The following CLSTN2 variants were observed in gnomAD, a reference collection of about 807,000 sequenced individuals.
CLSTN2 encodes the protein calsyntenin-2.
Under a neutral mutation model 101.2 loss-of-function variants are expected in CLSTN2, and 48 were observed. That is an observed-to-expected ratio of 0.47 (90% CI 0.38 to 0.60). The LOEUF is 0.60. CLSTN2 is among the 20% of genes least tolerant of loss of function. The pLI is 0.00. For missense variants in CLSTN2, 1,160 were observed against 1,238.2 expected (o/e 0.94, Z 0.95); for synonymous variants, 481 against 463.6 (o/e 1.04, Z -0.48).
Position 140,419,751 on chromosome 3 carries a change from A to G in CLSTN2, c.638-1374A>G, listed in dbSNP as rs1328992022. On this transcript the variant is annotated intron_variant, in intron 4 of 16. Transcript: ENST00000458420. Reference sequence around the variant, plus strand: ...TATACATGTATATACGTATATATACACATATACGTGTATACACGTGTATAC... The same window carrying G: ...TATACATGTATATACGTATATATACGCATATACGTGTATACACGTGTATAC... 3.0e-5 allele frequency among the ~76,000 whole-genome samples: 2 copies of G among 66,350 alleles called. 1 individual carries two copies. Among genetic ancestry groups the G allele is most frequent in the East Asian group, 1.2e-3 (2 of 1,624 alleles). 43.5% of individuals were successfully genotyped at this position (66,350 alleles called of 152,430 possible).
At chr3:140,548,771 A>G (rs932459730) in intron 10 of CLSTN2, among the ~76,000 whole-genome samples, 2 of 152,176 alleles carry the variant, frequency 1.3e-5, no homozygotes, top group African/African-American at 4.8e-5. Flanking sequence ...CCACCTATTA[A>G]CCATGTTTAG....
chr3:140,282,959 G>T (rs2086862395), intron 2 of CLSTN2, among the ~76,000 whole-genome samples: 1 of 152,108 alleles, frequency 6.6e-6, no homozygotes, highest in Non-Finnish European at 1.5e-5. Context: ...GGAAAAGTGG[G>T]TCCTCAGGAT....
At chr3:140,155,062 G>T (rs2009933168) in intron 1 of CLSTN2, among the ~76,000 whole-genome samples, 1 of 152,132 alleles carries the variant, frequency 6.6e-6, no homozygotes, top group Non-Finnish European at 1.5e-5. Flanking sequence ...TGGGGACACA[G>T]AGCCAAACCA....
At chr3:140,079,750 CA>C (rs548470137) in intron 1 of CLSTN2, among the ~76,000 whole-genome samples, 71 of 106,270 alleles carry the variant, frequency 6.7e-4, no homozygotes, top group Middle Eastern at 5.3e-3. Context: ...GACTATGTCT[CA>C]AAAAAAAAAA....
At position 140,459,747 on chromosome 3, in the gene CLSTN2, C is replaced by T. The variant is rs770923656; in HGVS notation, c.1200C>T (p.Ile400=). The change falls in exon 7 of 17, where the codon ATC becomes ATT. Residue 400 remains isoleucine (I), a synonymous_variant. Transcript: ENST00000458420. ...GTGTGAGAGCCGAGAAGGAAACCATCCTCTGCAACTCAGACAAAACCGGTG... is the reference window on the plus strand; with the variant it reads ...GTGTGAGAGCCGAGAAGGAAACCATTCTCTGCAACTCAGACAAAACCGGTG... ...SPGVRAEKET[I]LCNSDKTEMN... 1 of 1,614,138 alleles carries T rather than the reference C, an allele frequency of 6.2e-7. No individual in the cohort carries two copies. Among genetic ancestry groups the T allele is most frequent in the Admixed American group, 1.7e-5 (1 of 60,024 alleles).
At chr3:140,468,334 T>C (rs1265462767) in intron 8 of CLSTN2, among the ~76,000 whole-genome samples, 1 of 152,234 alleles carries the variant, frequency 6.6e-6, no homozygotes, top group Non-Finnish European at 1.5e-5. Context: ...ATAGATATCC[T>C]GAGGCATTTT....
At chr3:140,046,770 T>G (rs1421269492) in intron 1 of CLSTN2, among the ~76,000 whole-genome samples, 2 of 152,230 alleles carry the variant, frequency 1.3e-5, no homozygotes, top group African/African-American at 4.8e-5. Context: ...CCTTCACTTA[T>G]GAAGCTTAGT....
At chr3:140,062,076 T>G (rs762414189) in intron 1 of CLSTN2, among the ~76,000 whole-genome samples, 11 of 152,158 alleles carry the variant, frequency 7.2e-5, no homozygotes, top group Non-Finnish European at 1.6e-4. Flanking sequence ...TGTAGAGAAG[T>G]AATTTCAGGT....
Position 139,982,468 on chromosome 3 carries a change from T to G in CLSTN2, c.109+46985T>G, listed in dbSNP as rs941892855. Among the ~76,000 whole-genome samples, 3 of 152,246 alleles carry G rather than the reference T, an allele frequency of 2.0e-5. No individual in the cohort carries two copies. The South Asian group carries it at 6.2e-4, about 32-fold the overall frequency. ...GGGCTTAATTTCTGCTGTATGAGAA[T>G]ATTTAATAGCTGCAAATGCTAGAAA... On this transcript the variant is annotated intron_variant, in intron 1 of 16. Coordinates refer to ENST00000458420, the MANE Select transcript of CLSTN2 (RefSeq NM_022131.3).
intron 16 of CLSTN2, among the ~76,000 whole-genome samples, chr3:140,564,560 CA>C (rs1935993854): frequency 6.6e-6 from 1 of 152,168 alleles, no homozygotes; most frequent in South Asian, 2.1e-4. Context: ...AGAGTTCACT[CA>C]AAGGCTTGGA....
intron 1 of CLSTN2, among the ~76,000 whole-genome samples, chr3:139,971,182 A>G (rs1246863972): frequency 6.6e-6 from 1 of 152,188 alleles, no homozygotes; most frequent in Non-Finnish European, 1.5e-5. Flanking sequence ...CCTACAGAAT[A>G]AATAGTACCT....
intron 8 of CLSTN2, among the ~76,000 whole-genome samples, chr3:140,473,800 C>T (rs1461212760): frequency 1.3e-5 from 2 of 151,942 alleles, no homozygotes; most frequent in Non-Finnish European, 2.9e-5. Context: ...CTTTGTTGCC[C>T]AGGCTGGAGT....
At chr3:140,021,588 G>A (rs1409104733) in intron 1 of CLSTN2, among the ~76,000 whole-genome samples, 1 of 152,108 alleles carries the variant, frequency 6.6e-6, no homozygotes, top group Non-Finnish European at 1.5e-5. Context: ...GTCTCTGTAT[G>A]CTGGGGTTGG....
intron 1 of CLSTN2, among the ~76,000 whole-genome samples, chr3:140,126,984 GCAAGTT>G (rs2009443779): frequency 6.6e-6 from 1 of 151,592 alleles, no homozygotes; most frequent in Non-Finnish European, 1.5e-5. Flanking sequence ...CAAAAAAAAA[GCAAGTT>G]CAAGGTTATC....
chr3:139,988,693 G>A (rs1936068406), intron 1 of CLSTN2, among the ~76,000 whole-genome samples: 1 of 152,150 alleles, frequency 6.6e-6, no homozygotes, highest in Non-Finnish European at 1.5e-5. Flanking sequence ...GGGGAGCAAG[G>A]GGTGGGAGGA....
At chr3:140,309,057 C>A (rs564591123) in intron 2 of CLSTN2, among the ~76,000 whole-genome samples, 1 of 152,302 alleles carries the variant, frequency 6.6e-6, no homozygotes, top group Admixed American at 6.5e-5. Flanking sequence ...TGAGAACATG[C>A]TGAGTGCTTG....
At chr3:140,561,119 AAC>A (rs1202614582) in intron 12 of CLSTN2, among the ~76,000 whole-genome samples, 3 of 152,006 alleles carry the variant, frequency 2.0e-5, no homozygotes, top group African/African-American at 4.8e-5. Context: ...AATGTTTTAT[AAC>A]ACACAAAGTA....
At chr3:140,337,948 ACT>A (rs1028544933) in intron 2 of CLSTN2, among the ~76,000 whole-genome samples, 28 of 152,084 alleles carry the variant, frequency 1.8e-4, no homozygotes, top group African/African-American at 6.8e-4. Flanking sequence ...TAAGAGAGCA[ACT>A]CTCTTGTCTG....
chr3:140,075,221 C>T (rs918782970), intron 1 of CLSTN2, among the ~76,000 whole-genome samples: 1 of 151,948 alleles, frequency 6.6e-6, no homozygotes, highest in Non-Finnish European at 1.5e-5. Context: ...TATTTTCTTT[C>T]TTCTACTTTC....
Sources: gnomAD v4.1 joint callset for allele counts (sites outside exome capture counted in the v4.1 genomes callset) on GRCh38, gnomAD v4.1.1 for gene constraint, MANE v1.5 for transcripts, NCBI Gene and HGNC (gene_info 2026-07-23, HGNC 2026-07-21) for gene names.